The following TNPO1 variants were observed in gnomAD, a reference collection of about 807,000 sequenced individuals.
The protein encoded by TNPO1 is transportin 1.
TNPO1 carries 8 observed loss-of-function variants against 119.5 expected under a neutral mutation model. The observed-to-expected ratio is 0.07, with a 90% CI of 0.04 to 0.12. The LOEUF is 0.12. Among genes scored for constraint, TNPO1 ranks in the 10% least tolerant of loss-of-function variants. TNPO1 has a pLI of 1.00. For synonymous variants in TNPO1, 362 were observed against 363.0 expected (o/e 1.00, Z 0.03); for missense variants, 576 against 1,089.8 (o/e 0.53, Z 6.64).
Position 72,909,734 on chromosome 5 carries a change from A to T in TNPO1, c.*1061A>T, listed in dbSNP as rs1405756588. 2.0e-5 allele frequency: 3 copies of T among 152,604 alleles called. No homozygotes were observed. Among genetic ancestry groups the T allele is most frequent in the Non-Finnish European group, 4.4e-5 (3 of 68,022 alleles). 9.5% of individuals were successfully genotyped at this position (152,604 alleles called of 1,614,324 possible). On this transcript the variant is annotated 3_prime_UTR_variant, in exon 25 of 25. Transcript: ENST00000337273. Reference sequence around the variant, plus strand: ...TTTGTGGATTTTATTTTTATTAAGAACATAGATATATAAAGTACTGTAGTT... The same window carrying T: ...TTTGTGGATTTTATTTTTATTAAGATCATAGATATATAAAGTACTGTAGTT...
intron 1 of TNPO1, among the ~76,000 whole-genome samples, chr5:72,833,948 C>G (rs1744583474): frequency 6.6e-6 from 1 of 152,162 alleles, no homozygotes; most frequent in Admixed American, 6.5e-5. Context: ...TGGACCATCT[C>G]TATAGAATTT....
At chr5:72,886,988 G>A (rs116593167) in intron 11 of TNPO1, 82 bp from the exon 12 acceptor site, 45,819 of 1,228,230 alleles carry the variant, frequency 0.037, 1,032 homozygotes, top group Middle Eastern at 0.055. Flanking sequence ...TTAGAGATAC[G>A]AATAAAATGT....
chr5:72,913,270 T>G lies in TNPO1; in HGVS notation c.*4597T>G, dbSNP rs1319449010. On this transcript the variant is annotated 3_prime_UTR_variant, in exon 25 of 25. Coordinates refer to ENST00000337273, the MANE Select transcript of TNPO1 (RefSeq NM_002270.4). ...AAGTTAGTTTTATTCACCTTTAGGC[T>G]TTCCAAGTGAATTGTGACTAATTTT... 6.6e-6 allele frequency: 1 copy of G among 152,528 alleles called. No homozygotes were observed. Among genetic ancestry groups the G allele is most frequent in the Non-Finnish European group, 1.5e-5 (1 of 67,936 alleles). 9.4% of individuals were successfully genotyped at this position (152,528 alleles called of 1,614,324 possible).
chr5:72,878,556 G>A (rs993757564), intron 9 of TNPO1: 1 of 153,672 alleles, frequency 6.5e-6, no homozygotes, highest in East Asian at 1.9e-4. Context: ...GGTCAACTGA[G>A]TTTTTTCTTT....
At chr5:72,843,524 G>A (rs1213331741) in intron 1 of TNPO1, among the ~76,000 whole-genome samples, 1 of 151,578 alleles carries the variant, frequency 6.6e-6, no homozygotes, top group African/African-American at 2.4e-5. Context: ...AACCTGAGAG[G>A]CGGACGTTGC....
chr5:72,816,690 G>A lies in TNPO1; in HGVS notation c.-48G>A. 1.3e-6 allele frequency: 2 copies of A among 1,542,966 alleles called. No individual in the cohort carries two copies. Among genetic ancestry groups the A allele is most frequent in the South Asian group, 1.2e-5 (1 of 82,392 alleles). ...CGCAGCCATTTCAGGCCCCGGACAG[G>A]AGGCAGTGCCGCTTCGGCCGAAGGC... On this transcript the variant is annotated 5_prime_UTR_variant, in exon 1 of 25. Coordinates refer to ENST00000337273, the MANE Select transcript of TNPO1 (RefSeq NM_002270.4).
intron 2 of TNPO1, among the ~76,000 whole-genome samples, chr5:72,849,524 AAAACATCTG>A (rs1459424348): frequency 2.6e-5 from 4 of 152,218 alleles, no homozygotes; most frequent in South Asian, 2.1e-4. Context: ...ATTTACATTT[AAAACATCTG>A]TAAAGATGAA....
chr5:72,819,202 G>C (rs946686830), intron 1 of TNPO1, among the ~76,000 whole-genome samples: 1 of 152,146 alleles, frequency 6.6e-6, no homozygotes, highest in African/African-American at 2.4e-5. Flanking sequence ...AGCCACCCCA[G>C]GCAAAGAGGG....
At chr5:72,876,448 G>A (rs1747779732) in intron 8 of TNPO1, among the ~76,000 whole-genome samples, 2 of 152,114 alleles carry the variant, frequency 1.3e-5, no homozygotes, top group African/African-American at 4.8e-5. Flanking sequence ...ATTTTGTTGA[G>A]AATTACAAAT....
chr5:72,903,898 A>G, intron 23 of TNPO1, 115 bp downstream of exon 23: 2 of 664,554 alleles, frequency 3.0e-6, no homozygotes, highest in South Asian at 4.3e-5. Context: ...CAGTATTGAT[A>G]GTTTACATAT....
intron 21 of TNPO1, 94 bp downstream of exon 21, chr5:72,900,175 A>G (rs1749707521): frequency 8.5e-7 from 1 of 1,173,710 alleles, no homozygotes; most frequent in African/African-American, 1.5e-5. Flanking sequence ...GGTTACAAAA[A>G]TCACAATCCT....
At chr5:72,880,026 A>G (rs1304890156) in intron 9 of TNPO1, among the ~76,000 whole-genome samples, 1 of 152,142 alleles carries the variant, frequency 6.6e-6, no homozygotes, top group Non-Finnish European at 1.5e-5. Flanking sequence ...GTCTCTACCA[A>G]AAATACAAAA....
At chr5:72,846,376 C>T (rs1355825667) in intron 1 of TNPO1, among the ~76,000 whole-genome samples, 2 of 138,530 alleles carry the variant, frequency 1.4e-5, no homozygotes, top group East Asian at 4.2e-4. Flanking sequence ...ATGGCCATGT[C>T]ATATTAATGT....
intron 9 of TNPO1, among the ~76,000 whole-genome samples, 186 bp downstream of exon 9, chr5:72,877,532 T>C (rs1461274653): frequency 6.6e-6 from 1 of 152,208 alleles, no homozygotes; most frequent in Non-Finnish European, 1.5e-5. Context: ...AAAAATTATG[T>C]GAGTATGGTT....
intron 10 of TNPO1, among the ~76,000 whole-genome samples, 190 bp downstream of exon 10, chr5:72,882,717 A>G (rs561524712): frequency 6.6e-6 from 1 of 152,208 alleles, no homozygotes; most frequent in South Asian, 2.1e-4. Context: ...AGATGGTGAC[A>G]TTGGTAGGGT....
At position 72,885,432 on chromosome 5, in the gene TNPO1, T is replaced by C. The variant is rs550868233; in HGVS notation, c.1151-1638T>C. Among the ~76,000 whole-genome samples the C allele has an allele frequency of 2.6e-5, 4 of 152,358 alleles. No individual in the cohort carries two copies. In the East Asian group the frequency reaches 7.7e-4, roughly 29 times the overall value. On this transcript the variant is annotated intron_variant, in intron 11 of 24. Transcript: ENST00000337273. ...CATACATGGATGGGGGAACACTTCC[T>C]CTTCACATCCCATTCTTTGTATCCT...
In TNPO1 at chr5:72,889,799, C is replaced by G; in HGVS notation, c.1543C>G (p.Leu515Val). ...TTTTTTAAACAGTGCCTTTGCTACC[C>G]TAGAAGAGGAGGCTTGTACAGAACT... ...QEAACSAFAT[L>V]EEEACTELVP... The change falls in exon 14 of 25, where the codon CTA (leucine) becomes GTA (valine). Residue 515 changes from leucine to valine, a missense_variant. Physicochemically the swap from Leu to Val is conservative, Grantham distance 32. Coordinates refer to ENST00000337273, the MANE Select transcript of TNPO1 (RefSeq NM_002270.4). 3.1e-6 allele frequency: 5 copies of G among 1,592,544 alleles called. No individual in the cohort carries two copies. The highest frequency in any genetic ancestry group is 4.3e-6 in the Non-Finnish European group (5 of 1,173,234).
At chr5:72,831,095 CTT>C in intron 1 of TNPO1, among the ~76,000 whole-genome samples, 1 of 152,076 alleles carries the variant, frequency 6.6e-6, no homozygotes, top group East Asian at 1.9e-4. Context: ...AACATAAGTA[CTT>C]TAGATTTATT....
chr5:72,876,003 T>A (rs1747735499), intron 8 of TNPO1, among the ~76,000 whole-genome samples: 1 of 152,150 alleles, frequency 6.6e-6, no homozygotes, highest in African/African-American at 2.4e-5. Context: ...GGATCTTTTT[T>A]AAAGGTTGCA....
Sources: allele counts gnomAD v4.1 joint callset (sites outside exome capture counted in the v4.1 genomes callset), GRCh38; gene constraint gnomAD v4.1.1; transcripts MANE v1.5; gene names NCBI Gene and HGNC (gene_info 2026-07-23, HGNC 2026-07-21).